The following XIRP2 variants were observed in gnomAD, a reference collection of about 807,000 sequenced individuals.
XIRP2 encodes xin actin binding repeat containing 2, also known as xin actin-binding repeat-containing protein 2.
Under a neutral mutation model 277.0 loss-of-function variants are expected in XIRP2, and 236 were observed. The ratio of observed to expected loss-of-function variants is 0.85; its 90% CI spans 0.77 to 0.95. XIRP2 has a LOEUF of 0.95. XIRP2 is among the 40% of genes least tolerant of loss of function. The pLI is 0.00. For synonymous variants in XIRP2, 1,490 were observed against 1,416.5 expected (o/e 1.05, Z -1.17); for missense variants, 4,640 against 4,157.5 (o/e 1.12, Z -3.19).
intron 5 of XIRP2, among the ~76,000 whole-genome samples, chr2:167,228,944 C>A (rs1237349746): frequency 6.6e-6 from 1 of 152,032 alleles, no homozygotes; most frequent in Non-Finnish European, 1.5e-5. Context: ...CAGATACATC[C>A]TTCACTCCTT....
chr2:167,245,577 A>G lies in XIRP2; in HGVS notation c.4185A>G (p.Pro1395=), dbSNP rs1695228300. 1.2e-6 allele frequency: 2 copies of G among 1,613,592 alleles called. No individual in the cohort carries two copies. The highest frequency in any genetic ancestry group is 1.3e-5 in the African/African-American group (1 of 74,916). ...TCAGATACAGATTTGAAACTCAGCC[A>G]CTGGATCAGATTTCTGAAGAATCAC... The part of the protein sequence containing the change: ...SSVRYRFETQ[P]LDQISEESHN... Residue 1395 remains proline (P), a synonymous_variant, in exon 9 of 11, where the codon CCA becomes CCG. Coordinates refer to ENST00000409195, the MANE Select transcript of XIRP2 (RefSeq NM_152381.6).
chr2:167,022,355 GA>G (rs2105486780), intron 2 of XIRP2, among the ~76,000 whole-genome samples: 1 of 152,114 alleles, frequency 6.6e-6, no homozygotes, highest in African/African-American at 2.4e-5. Flanking sequence ...AAGACACAAT[GA>G]TTTTCTAAAT....
intron 2 of XIRP2, among the ~76,000 whole-genome samples, chr2:167,063,739 AT>A (rs1689229970): frequency 6.6e-6 from 1 of 151,678 alleles, no homozygotes; most frequent in Non-Finnish European, 1.5e-5. Context: ...TAATATAGGT[AT>A]TTTAATTTCT....
At chr2:167,078,685 A>C (rs940945876) in intron 2 of XIRP2, among the ~76,000 whole-genome samples, 1 of 152,050 alleles carries the variant, frequency 6.6e-6, no homozygotes, top group Non-Finnish European at 1.5e-5. Context: ...AATTACAAAA[A>C]ATTAGCAAGG....
At chr2:167,254,008 G>A (rs766705352) in intron 9 of XIRP2, 24 bp from the exon 10 acceptor site, 7 of 1,569,850 alleles carry the variant, frequency 4.5e-6, no homozygotes, top group Non-Finnish European at 6.0e-6. Context: ...CACTACAGAA[G>A]GCTTTGTAAA....
chr2:167,135,392 A>C (rs1346367360), intron 2 of XIRP2, among the ~76,000 whole-genome samples: 1 of 152,116 alleles, frequency 6.6e-6, no homozygotes, highest in East Asian at 1.9e-4. Context: ...AAGTAATTTC[A>C]TAATCTTTAT....
At chr2:167,140,048 G>GAGAA (rs4000961) in intron 3 of XIRP2, among the ~76,000 whole-genome samples, 151,766 of 152,322 alleles carry the variant, frequency 1, 75,611 homozygotes, top group East Asian at 1. Context: ...TAAGGAGAAA[G>GAGAA]TTCATGTTGG....
intron 2 of XIRP2, among the ~76,000 whole-genome samples, chr2:166,904,606 A>G (rs981012759): frequency 2.0e-5 from 3 of 152,152 alleles, no homozygotes; most frequent in African/African-American, 4.8e-5. Flanking sequence ...CTAAGACCAC[A>G]TTTATACTTT....
intron 2 of XIRP2, among the ~76,000 whole-genome samples, chr2:166,928,738 T>C (rs1053908823): frequency 2.6e-5 from 4 of 152,148 alleles, no homozygotes; most frequent in African/African-American, 7.2e-5. Flanking sequence ...CATATTCCAA[T>C]GTTCATACTG....
At chr2:167,074,556 T>A (rs1689512154) in intron 2 of XIRP2, among the ~76,000 whole-genome samples, 1 of 152,064 alleles carries the variant, frequency 6.6e-6, no homozygotes, top group Non-Finnish European at 1.5e-5. Context: ...GTCAGCATGG[T>A]TTAGGAGACA....
At chr2:167,058,737 T>C (rs1302833459) in intron 2 of XIRP2, among the ~76,000 whole-genome samples, 4 of 152,198 alleles carry the variant, frequency 2.6e-5, no homozygotes, top group Non-Finnish European at 4.4e-5. Flanking sequence ...GTTAGAATAA[T>C]GGTTGCTAAT....
intron 3 of XIRP2, among the ~76,000 whole-genome samples, chr2:167,193,387 G>GTATGTGA (rs1031445160): frequency 1.6e-4 from 24 of 152,244 alleles, no homozygotes; most frequent in Non-Finnish European, 2.9e-4. Context: ...CAATGTGTAT[G>GTATGTGA]TATGTGAATG....
chr2:167,251,630 G>C lies in XIRP2; in HGVS notation c.10238G>C (p.Arg3413Thr). 6.2e-7 allele frequency: 1 copy of C among 1,613,440 alleles called. No homozygotes were observed. The highest frequency in any genetic ancestry group is 1.1e-5 in the South Asian group (1 of 91,068). ...VKQPRICSET[R>T]SLSEHFSGMD... ...CAGCCCAGGATCTGCTCTGAAACCA[G>C]GTCTCTAAGTGAACATTTCTCAGGC... The change falls in exon 9 of 11, where the codon AGG (arginine) becomes ACG (threonine). Residue 3413 changes from arginine (R) to threonine (T), a missense_variant. Transcript: ENST00000409195.
intron 5 of XIRP2, among the ~76,000 whole-genome samples, chr2:167,225,832 G>A (rs191303008): frequency 6.6e-6 from 1 of 152,196 alleles, no homozygotes; most frequent in Non-Finnish European, 1.5e-5. Flanking sequence ...CCTTTAATCT[G>A]TTTATCCTCT....
intron 3 of XIRP2, among the ~76,000 whole-genome samples, chr2:167,194,879 A>G (rs1167258030): frequency 6.6e-6 from 1 of 152,184 alleles, no homozygotes; most frequent in East Asian, 1.9e-4. Context: ...GGCACATAGT[A>G]AGTGCTGTAT....
chr2:167,021,868 G>T (rs1387742721), intron 2 of XIRP2, among the ~76,000 whole-genome samples: 1 of 151,914 alleles, frequency 6.6e-6, no homozygotes, highest in Non-Finnish European at 1.5e-5. Context: ...AAAATAATTT[G>T]ATTACTTCTT....
chr2:167,129,466 A>G (rs775575020), intron 2 of XIRP2, among the ~76,000 whole-genome samples: 1 of 152,142 alleles, frequency 6.6e-6, no homozygotes, highest in African/African-American at 2.4e-5. Flanking sequence ...CTACAGCTCC[A>G]TGTCTCTTGT....
chr2:167,075,746 ATTCTCTTGCC>A (rs1208083246), intron 2 of XIRP2, among the ~76,000 whole-genome samples: 1 of 151,498 alleles, frequency 6.6e-6, no homozygotes, highest in African/African-American at 2.4e-5. Flanking sequence ...GTTTCAAGTG[ATTCTCTTGCC>A]TCAGCCTACT....
chr2:167,232,555 A>G (rs1694790766), intron 5 of XIRP2, among the ~76,000 whole-genome samples: 1 of 151,962 alleles, frequency 6.6e-6, no homozygotes, highest in African/African-American at 2.4e-5. Flanking sequence ...AGTTTTACTC[A>G]GTCTTTTGGA....
Sources: gnomAD v4.1 joint callset for allele counts (sites outside exome capture counted in the v4.1 genomes callset) on GRCh38, gnomAD v4.1.1 for gene constraint, MANE v1.5 for transcripts, NCBI Gene and HGNC (gene_info 2026-07-23, HGNC 2026-07-21) for gene names.